The following ZFAND3 variants were observed in gnomAD, a reference collection of about 807,000 sequenced individuals.
ZFAND3 encodes the protein zinc finger AN1-type containing 3, also known as AN1-type zinc finger protein 3.
Under a neutral mutation model 29.6 loss-of-function variants are expected in ZFAND3, and 10 were observed. The observed-to-expected ratio is 0.34, with a 90% CI of 0.21 to 0.57. The LOEUF (loss-of-function observed/expected upper bound fraction) is 0.57. Among genes scored for constraint, ZFAND3 ranks in the 20% least tolerant of loss-of-function variants. The pLI is 0.86. For missense variants in ZFAND3, 230 were observed against 304.5 expected (o/e 0.76, Z 1.82); for synonymous variants, 128 against 112.6 (o/e 1.14, Z -0.87).
At chr6:37,908,678 C>T (rs1398748345) in intron 1 of ZFAND3, among the ~76,000 whole-genome samples, 1 of 149,550 alleles carries the variant, frequency 6.7e-6, no homozygotes, top group East Asian at 1.9e-4. Flanking sequence ...CCTTGCCCTA[C>T]ACATCTCTTC....
At chr6:38,026,808 A>T (rs35248010) in intron 2 of ZFAND3, among the ~76,000 whole-genome samples, 10,355 of 151,032 alleles carry the variant, frequency 0.069, 422 homozygotes, top group Non-Finnish European at 0.087. Context: ...AGAGAGAGAG[A>T]GAGTGTAATT....
intron 2 of ZFAND3, among the ~76,000 whole-genome samples, chr6:37,963,484 G>A (rs978305195): frequency 2.0e-5 from 3 of 151,780 alleles, no homozygotes; most frequent in African/African-American, 7.3e-5. Context: ...GTAAAGATAC[G>A]AGCAGAAATA....
chr6:38,009,568 T>C (rs1282234939), intron 2 of ZFAND3, among the ~76,000 whole-genome samples: 1 of 152,178 alleles, frequency 6.6e-6, no homozygotes, highest in East Asian at 1.9e-4. Context: ...TTCTGAACTT[T>C]TACAGGATCC....
chr6:38,016,439 T>C (rs990838969), intron 2 of ZFAND3, among the ~76,000 whole-genome samples: 1 of 152,194 alleles, frequency 6.6e-6, no homozygotes, highest in Admixed American at 6.5e-5. Context: ...AAAAGGCAAG[T>C]CCATGCCAGA....
In ZFAND3 at chr6:38,116,505, A is replaced by G; in HGVS notation, c.362-67A>G. ...CCTGGTCAGGAGAATGCCTGGAAATACATTAATCAACTGTGCTTGCCAGGC... is the reference window on the plus strand; with the variant it reads ...CCTGGTCAGGAGAATGCCTGGAAATGCATTAATCAACTGTGCTTGCCAGGC... On this transcript the variant is annotated intron_variant, in intron 4 of 5. Transcript: ENST00000287218. The G allele has an allele frequency of 5.2e-6, 8 of 1,524,382 alleles. No homozygotes were observed. In the East Asian group the frequency reaches 6.8e-5, roughly 13 times the overall value. The allele number at this position is 1,524,382 out of a possible 1,614,324, so 94.4% of individuals were successfully genotyped here. A position where few individuals can be genotyped will look rare whatever the true frequency, so the allele number is the denominator to read the frequency against.
intron 2 of ZFAND3, among the ~76,000 whole-genome samples, chr6:38,015,833 G>C (rs1763243453): frequency 6.6e-6 from 1 of 152,166 alleles, no homozygotes; most frequent in African/African-American, 2.4e-5. Flanking sequence ...AGGATTTGAG[G>C]AGTACACACA....
intron 2 of ZFAND3, among the ~76,000 whole-genome samples, chr6:37,932,587 C>T (rs1204137894): frequency 6.6e-6 from 1 of 152,104 alleles, no homozygotes; most frequent in Non-Finnish European, 1.5e-5. Context: ...TAAAGTATGG[C>T]TTTGGGAGAA....
At chr6:37,860,926 G>A (rs1764479170) in intron 1 of ZFAND3, among the ~76,000 whole-genome samples, 1 of 152,070 alleles carries the variant, frequency 6.6e-6, no homozygotes, top group African/African-American at 2.4e-5. Flanking sequence ...TGTACCATAT[G>A]CCAGTGAAAT....
rs774309845 is a variant in ZFAND3, at chr6:37,978,956, C to CT, written c.112+48969dup. ...CATTTCTGATACTGATAATTTGTGT[C>CT]TTTTTTTTTTTTCTCTAGTCAGTCT... On this transcript the variant is annotated intron_variant, in intron 2 of 5. Coordinates refer to ENST00000287218, the MANE Select transcript of ZFAND3 (RefSeq NM_021943.3). 7.0e-3 allele frequency among the ~76,000 whole-genome samples: 1,009 copies of CT among 143,864 alleles called. 14 individuals are homozygous for CT. Among genetic ancestry groups the CT allele is most frequent in the Admixed American group, 0.028 (399 of 14,454 alleles). The allele number at this position is 143,864 out of a possible 152,430, so 94.4% of individuals were successfully genotyped here.
chr6:37,878,417 C>T (rs1391512795), intron 1 of ZFAND3, among the ~76,000 whole-genome samples: 2 of 152,110 alleles, frequency 1.3e-5, no homozygotes, highest in East Asian at 3.9e-4. Flanking sequence ...TGTAGGCTCC[C>T]CAGCGCTTGA....
At chr6:37,870,957 T>G (rs894143308) in intron 1 of ZFAND3, among the ~76,000 whole-genome samples, 1 of 152,232 alleles carries the variant, frequency 6.6e-6, no homozygotes, top group African/African-American at 2.4e-5. Flanking sequence ...CTTAAGTGTT[T>G]TTCCTTGTAT....
chr6:38,064,757 G>C (rs1214415436), intron 3 of ZFAND3, among the ~76,000 whole-genome samples: 1 of 147,420 alleles, frequency 6.8e-6, no homozygotes, highest in Non-Finnish European at 1.5e-5. Flanking sequence ...CTCTCTTCTT[G>C]GTGACATCAT....
chr6:37,866,780 A>G (rs993887024), intron 1 of ZFAND3, among the ~76,000 whole-genome samples: 18 of 152,334 alleles, frequency 1.2e-4, no homozygotes, highest in Admixed American at 4.6e-4. Flanking sequence ...TTTTACTTCA[A>G]TCACTGTAAA....
In ZFAND3 at chr6:37,873,132, G is replaced by T. The variant is rs1046900860; in HGVS notation, c.71+53116G>T. 2.6e-5 allele frequency among the ~76,000 whole-genome samples: 4 copies of T among 152,172 alleles called. No individual in the cohort carries two copies. The East Asian group carries it at 7.7e-4, about 29-fold the overall frequency. On this transcript the variant is annotated intron_variant, in intron 1 of 5. Transcript: ENST00000287218. ...AAACCCCCCAAAAAATTAGCCAGGC[G>T]CGGTGGCGGGTGCCTGTAGTACCAG...
At chr6:37,987,994 AT>A (rs1486925280) in intron 2 of ZFAND3, among the ~76,000 whole-genome samples, 1 of 152,248 alleles carries the variant, frequency 6.6e-6, no homozygotes, top group Non-Finnish European at 1.5e-5. Flanking sequence ...AATTACTTGC[AT>A]ATTCTTACTC....
chr6:37,878,941 A>C, intron 1 of ZFAND3, among the ~76,000 whole-genome samples: 1 of 152,214 alleles, frequency 6.6e-6, no homozygotes, highest in South Asian at 2.1e-4. Context: ...AACCTTTCCC[A>C]GCCCTGTGAG....
At chr6:37,993,042 A>G (rs1762787071) in intron 2 of ZFAND3, among the ~76,000 whole-genome samples, 1 of 152,134 alleles carries the variant, frequency 6.6e-6, no homozygotes. Flanking sequence ...GCCATGTTTG[A>G]TCATGTACTT....
At chr6:37,996,702 AT>A (rs1374385589) in intron 2 of ZFAND3, among the ~76,000 whole-genome samples, 1 of 152,136 alleles carries the variant, frequency 6.6e-6, no homozygotes, top group Non-Finnish European at 1.5e-5. Context: ...TAATTTAATT[AT>A]CTAAATCATT....
intron 3 of ZFAND3, among the ~76,000 whole-genome samples, chr6:38,063,649 A>G (rs1385691793): frequency 6.6e-6 from 1 of 152,230 alleles, no homozygotes; most frequent in Non-Finnish European, 1.5e-5. Flanking sequence ...GGAAAGCTGC[A>G]TGGAGTTTCT....
Sources: allele counts gnomAD v4.1 joint callset (sites outside exome capture counted in the v4.1 genomes callset), GRCh38; gene constraint gnomAD v4.1.1; transcripts MANE v1.5; gene names NCBI Gene and HGNC (gene_info 2026-07-23, HGNC 2026-07-21).